The following RBFOX3 variants were observed in gnomAD, a reference collection of about 807,000 sequenced individuals.
RBFOX3 encodes RNA binding fox-1 homolog 3, also known as RNA binding protein fox-1 homolog 3.
RBFOX3 carries 17 observed loss-of-function variants against 48.7 expected under a neutral mutation model. That is an observed-to-expected ratio of 0.35 (90% CI 0.24 to 0.52). The LOEUF is 0.52. RBFOX3 is among the 20% of genes least tolerant of loss of function. RBFOX3 has a pLI of 0.94. For synonymous variants in RBFOX3, 212 were observed against 209.5 expected (o/e 1.01, Z -0.10); for missense variants, 382 against 497.5 (o/e 0.77, Z 2.21).
chr17:79,310,603 C>G (rs4789884), intron 2 of RBFOX3, among the ~76,000 whole-genome samples: 131,287 of 152,024 alleles, frequency 0.86, 58,310 homozygotes, highest in South Asian at 0.98. Flanking sequence ...GTCCTGTCGG[C>G]GAGGTGGAGC....
intron 2 of RBFOX3, among the ~76,000 whole-genome samples, chr17:79,330,833 C>G (rs548471079): frequency 1.3e-5 from 2 of 152,240 alleles, no homozygotes; most frequent in Admixed American, 1.3e-4. Flanking sequence ...GAAGCCTTCC[C>G]TGACTCTGTG....
chr17:79,103,076 C>G lies in RBFOX3; in HGVS notation c.507+86G>C. On this transcript the variant is annotated intron_variant, in intron 8 of 14. Transcript: ENST00000693108. This position sits in a 1 kb window ranked among gnomAD's most constrained non-coding sequence, Gnocchi z 6.1. ...TGGCCAGGCTCTCTGAAGGGTGCGG[C>G]AGTGGCAGGGCTGGTTGGTTGGGGG... 1 of 995,010 alleles carries G rather than the reference C, an allele frequency of 1.0e-6. No individual in the cohort carries two copies. Among genetic ancestry groups the G allele is most frequent in the Middle Eastern group, 2.3e-4 (1 of 4,354 alleles). 61.6% of individuals were successfully genotyped at this position (995,010 alleles called of 1,614,324 possible). A position where few individuals can be genotyped will look rare whatever the true frequency, so the allele number is the denominator to read the frequency against.
chr17:79,514,040 C>T (rs2084898745), intron 1 of RBFOX3, among the ~76,000 whole-genome samples: 1 of 152,226 alleles, frequency 6.6e-6, no homozygotes, highest in Non-Finnish European at 1.5e-5. Context: ...CACGTGACCT[C>T]AGCCAGGCCA....
At chr17:79,177,319 T>C (rs1318207438) in intron 4 of RBFOX3, among the ~76,000 whole-genome samples, 1 of 152,206 alleles carries the variant, frequency 6.6e-6, no homozygotes, top group Non-Finnish European at 1.5e-5. Context: ...GTGGGCTATC[T>C]TGGCCTCCAC....
In RBFOX3 at chr17:79,512,740, G is replaced by C. The variant is rs375464428; in HGVS notation, c.-319-30142C>G. On this transcript the variant is annotated intron_variant, in intron 1 of 14. Coordinates refer to ENST00000693108, the MANE Select transcript of RBFOX3 (RefSeq NM_001350451.2). Reference sequence around the variant, plus strand: ...ACCCACCCGGATACGTGTTACCATCGGGTACGGCCCCATGGCCAGGGGACA... The same window carrying C: ...ACCCACCCGGATACGTGTTACCATCCGGTACGGCCCCATGGCCAGGGGACA... Among the ~76,000 whole-genome samples, 302 of 144,486 alleles carry C rather than the reference G, an allele frequency of 2.1e-3. 2 individuals carry two copies. The highest frequency in any genetic ancestry group is 3.4e-3 in the Non-Finnish European group (220 of 65,012). 94.8% of individuals were successfully genotyped at this position (144,486 alleles called of 152,430 possible).
intron 1 of RBFOX3, among the ~76,000 whole-genome samples, chr17:79,534,252 G>A (rs1458060507): frequency 1.3e-5 from 2 of 152,182 alleles, no homozygotes; most frequent in Non-Finnish European, 2.9e-5. Context: ...AGCTGGTGAC[G>A]GCTTCAGGAG....
intron 6 of RBFOX3, among the ~76,000 whole-genome samples, chr17:79,106,304 C>T (rs946698685): frequency 1.3e-5 from 2 of 152,124 alleles, no homozygotes; most frequent in Admixed American, 1.3e-4. Flanking sequence ...AAACTGGCTG[C>T]GAGGTCCCAA....
intron 2 of RBFOX3, among the ~76,000 whole-genome samples, chr17:79,441,042 G>A (rs1191159803): frequency 6.6e-6 from 1 of 152,254 alleles, no homozygotes; most frequent in African/African-American, 2.4e-5. Flanking sequence ...CACACACCTG[G>A]GGGTGCAGGG....
intron 4 of RBFOX3, among the ~76,000 whole-genome samples, chr17:79,179,359 C>T (rs967280770): frequency 2.0e-4 from 30 of 152,328 alleles, no homozygotes; most frequent in Admixed American, 1.3e-3. Flanking sequence ...CGCTCGGAAA[C>T]GCCGCATCCT....
chr17:79,619,741 G>T, the RBFOX3 span, among the ~76,000 whole-genome samples: 1 of 151,938 alleles, frequency 6.6e-6, no homozygotes, highest in East Asian at 1.9e-4. Context: ...TCTCCTCCAC[G>T]TCCCGGACGG....
chr17:79,385,058 T>G (rs1598463330), intron 2 of RBFOX3, among the ~76,000 whole-genome samples: 1 of 152,246 alleles, frequency 6.6e-6, no homozygotes, highest in Non-Finnish European at 1.5e-5. Context: ...TCCCGGCCCC[T>G]GCCAGGCCCT....
At chr17:79,638,260 T>C in the RBFOX3 span, among the ~76,000 whole-genome samples, 1 of 143,884 alleles carries the variant, frequency 7.0e-6, no homozygotes, top group African/African-American at 2.5e-5. Context: ...ATAAGTCAAA[T>C]AGAGAATAGA....
chr17:79,586,592 A>G (rs886710264), intron 1 of RBFOX3, among the ~76,000 whole-genome samples: 1 of 152,234 alleles, frequency 6.6e-6, no homozygotes, highest in African/African-American at 2.4e-5. Context: ...CTAGAAACCA[A>G]CAGAGCCATG....
In RBFOX3 at chr17:79,111,159, G is replaced by A. The variant is rs1350867235; in HGVS notation, c.222+4335C>T. 6.6e-6 allele frequency among the ~76,000 whole-genome samples: 1 copy of A among 152,244 alleles called. No individual in the cohort carries two copies. Among genetic ancestry groups the A allele is most frequent in the Admixed American group, 6.5e-5 (1 of 15,290 alleles). ...AAGGACAGAGGTTCATCCTGGGGCT[G>A]CAGGTCACTGGGCAGAGAGGCCTCC... is the stretch of plus-strand genomic sequence containing the variant. On this transcript the variant is annotated intron_variant, in intron 5 of 14. Coordinates refer to ENST00000693108, the MANE Select transcript of RBFOX3 (RefSeq NM_001350451.2). The surrounding 1 kb of genome is among the most constrained non-coding windows in gnomAD (Gnocchi z 4.2).
chr17:79,461,021 T>C (rs1012880661), intron 2 of RBFOX3, among the ~76,000 whole-genome samples: 2 of 152,202 alleles, frequency 1.3e-5, no homozygotes, highest in Non-Finnish European at 2.9e-5. Flanking sequence ...CTGTGCATGC[T>C]TCAAAACCCA....
rs2086387532 is a variant in RBFOX3, at chr17:79,523,451, T to C, written c.-319-40853A>G. ...ACGGGCTGGAGGGAGGAGAGGTCCT[T>C]CTGTGCTCTTAGACACATCCCTGAA... is the stretch of plus-strand genomic sequence containing the variant. On this transcript the variant is annotated intron_variant, in intron 1 of 14. Transcript: ENST00000693108. Among the ~76,000 whole-genome samples, 3 of 152,294 alleles carry C rather than the reference T, an allele frequency of 2.0e-5. No individual in the cohort carries two copies. The South Asian group carries it at 6.2e-4, about 32-fold the overall frequency.
chr17:79,236,021 G>T (rs1403439984), intron 3 of RBFOX3, among the ~76,000 whole-genome samples: 1 of 152,206 alleles, frequency 6.6e-6, no homozygotes, highest in Non-Finnish European at 1.5e-5. Flanking sequence ...AACAGGCAGA[G>T]ATAAAGCAAA....
intron 4 of RBFOX3, among the ~76,000 whole-genome samples, chr17:79,223,607 A>C (rs1043673830): frequency 2.0e-5 from 3 of 152,150 alleles, no homozygotes; most frequent in Admixed American, 6.5e-5. Flanking sequence ...CACAGCCCTC[A>C]GGCCAGTGGC....
chr17:79,511,932 T>A (rs2084319351), intron 1 of RBFOX3, among the ~76,000 whole-genome samples: 1 of 143,068 alleles, frequency 7.0e-6, no homozygotes. Flanking sequence ...CGGATACGTG[T>A]TACCATCGGA....
Sources: gnomAD v4.1 joint callset for allele counts (sites outside exome capture counted in the v4.1 genomes callset) on GRCh38, gnomAD v4.1.1 for gene constraint, Gnocchi (gnomAD v3.1) non-coding constraint, MANE v1.5 for transcripts, NCBI Gene and HGNC (gene_info 2026-07-23, HGNC 2026-07-21) for gene names.